Variants in PCDHGA4 observed in about 807,000 individuals in gnomAD.
PCDHGA4 encodes the protein protocadherin gamma-A4.
Under a neutral mutation model 54.6 loss-of-function variants are expected in PCDHGA4, and 38 were observed. The observed-to-expected ratio is 0.70, with a 90% confidence interval of 0.54 to 0.91. The LOEUF (loss-of-function observed/expected upper bound fraction) is 0.91. Ranked by LOEUF, PCDHGA4 falls within the 40% of genes least tolerant of loss-of-function variation. The pLI, the probability that PCDHGA4 is intolerant of heterozygous loss-of-function variation, is 0.00. For synonymous variants in PCDHGA4, 511 were observed against 512.9 expected, an observed-to-expected ratio of 1.00 and a Z score of 0.05; for missense variants, 1,298 against 1,220.9, an observed-to-expected ratio of 1.06 and a Z score of -0.94.
At chr5:141,419,723 C>A in intron 1 of PCDHGA4, 6 of 1,613,292 alleles carry the variant, frequency 3.7e-6, no homozygotes, top group Non-Finnish European at 5.1e-6. Flanking sequence ...CCTGGGGCTG[C>A]GAACAGGCGA....
intron 1 of PCDHGA4, chr5:141,428,129 C>T (rs1449809875): frequency 1.2e-6 from 2 of 1,603,336 alleles, no homozygotes; most frequent in Non-Finnish European, 1.7e-6. Context: ...CCGGGCTTTT[C>T]AGCCTGGGGC....
At chr5:141,412,057 T>C (rs1426056647) in intron 1 of PCDHGA4, 1 of 152,202 alleles carries the variant, frequency 6.6e-6, no homozygotes, top group Non-Finnish European at 1.5e-5. Flanking sequence ...TCTATACCCT[T>C]TGCATTTGAG....
At chr5:141,388,424 G>A (rs77505166) in intron 1 of PCDHGA4, 76,970 of 1,613,794 alleles carry the variant, frequency 0.048, 2,026 homozygotes, top group South Asian at 0.077. Context: ...ATTTCTCACT[G>A]ATAAATAAAG....
chr5:141,423,775 T>A, intron 1 of PCDHGA4: 1 of 1,209,960 alleles, frequency 8.3e-7, no homozygotes, highest in Non-Finnish European at 1.1e-6. Context: ...GCGGCATATA[T>A]TTAGTTCATA....
intron 1 of PCDHGA4, chr5:141,424,664 A>G (rs923488035): frequency 1.3e-5 from 2 of 152,124 alleles, no homozygotes; most frequent in African/African-American, 4.8e-5. Context: ...CTTTAATTAA[A>G]CTGATTTAGC....
chr5:141,388,043 C>T (rs952133270), intron 1 of PCDHGA4: 6 of 1,412,324 alleles, frequency 4.2e-6, no homozygotes, highest in Middle Eastern at 5.0e-4. Flanking sequence ...TCGCCACGGA[C>T]CTGGGGTTCA....
chr5:141,510,069 CCAGCAGAGTGCCTGG>C (rs994886462), intron 3 of PCDHGA4, among the ~76,000 whole-genome samples: 12 of 152,260 alleles, frequency 7.9e-5, no homozygotes, highest in Admixed American at 7.8e-4. Context: ...TGTGAAGCAT[CCAGCAGAGTGCCTGG>C]CACACAGTAG....
chr5:141,415,206 G>A, intron 1 of PCDHGA4: 4 of 1,614,054 alleles, frequency 2.5e-6, no homozygotes, highest in African/African-American at 1.3e-5. Flanking sequence ...AAGTCCTGGC[G>A]GACCTCGGCA....
chr5:141,510,272 TAAA>T (rs546154379), intron 3 of PCDHGA4, among the ~76,000 whole-genome samples: 2 of 130,370 alleles, frequency 1.5e-5, no homozygotes, highest in Non-Finnish European at 3.3e-5. Context: ...GACTCCATCT[TAAA>T]AAAAAAAAAA....
At chr5:141,370,652 G>A in intron 1 of PCDHGA4, 1 of 1,613,890 alleles carries the variant, frequency 6.2e-7, no homozygotes, top group Non-Finnish European at 8.5e-7. Context: ...ACTTACTTGT[G>A]AGCGACCGTA....
rs1421541308 is a variant in PCDHGA4 at position 141,409,559 on chromosome 5, G to C, written c.2514+51938G>C. On this transcript the variant is annotated intron_variant, in intron 1 of 3. Coordinates refer to ENST00000571252, the MANE Select transcript of PCDHGA4 (RefSeq NM_018917.4). The stretch of plus-strand genomic sequence containing the variant: ...CATCAACGACAACGCCCCAGTTTTC[G>C]ACCAGACGTCCTACGTGGTCCACGT... The C allele has an allele frequency of 1.9e-6, 3 of 1,613,936 alleles. No individual in the cohort carries two copies. The highest frequency in any genetic ancestry group is 1.7e-6 in the Non-Finnish European group (2 of 1,179,910).
intron 1 of PCDHGA4, among the ~76,000 whole-genome samples, chr5:141,447,677 A>G (rs748479750): frequency 6.6e-6 from 1 of 152,184 alleles, no homozygotes; most frequent in Non-Finnish European, 1.5e-5. Context: ...GAACTGTTCC[A>G]TATCTTGATA....
chr5:141,379,992 T>G (rs1776127891), intron 1 of PCDHGA4, among the ~76,000 whole-genome samples: 1 of 144,024 alleles, frequency 6.9e-6, no homozygotes, highest in South Asian at 2.4e-4. Flanking sequence ...TTCCTCCTCC[T>G]GGGTTCAAGC....
chr5:141,438,591 C>CATATATATATAT (rs946798767), intron 1 of PCDHGA4, among the ~76,000 whole-genome samples: 3 of 75,560 alleles, frequency 4.0e-5, no homozygotes, highest in Non-Finnish European at 5.4e-5. Flanking sequence ...TACATACATA[C>CATATATATATAT]ATATATATAT....
intron 1 of PCDHGA4, chr5:141,417,622 G>T (rs1036510827): frequency 1.5e-6 from 1 of 668,534 alleles, no homozygotes; most frequent in Non-Finnish European, 2.4e-6. Flanking sequence ...TGCAGAGCAA[G>T]CGCTGACGCC....
chr5:141,415,863 G>A, intron 1 of PCDHGA4: 4 of 1,107,154 alleles, frequency 3.6e-6, no homozygotes, highest in Non-Finnish European at 4.7e-6. Flanking sequence ...GTAGTTTATA[G>A]TGTTGTTGAG....
At chr5:141,361,195 A>G (rs369211493) in intron 1 of PCDHGA4, 1 of 1,613,692 alleles carries the variant, frequency 6.2e-7, no homozygotes, top group Non-Finnish European at 8.5e-7. Context: ...TTCAGTATCT[A>G]CTCCCCTACC....
At chr5:141,415,655 T>C (rs780357843) in intron 1 of PCDHGA4, 50 of 1,586,718 alleles carry the variant, frequency 3.2e-5, no homozygotes, top group Non-Finnish European at 4.0e-5. Flanking sequence ...AAAAAAAAGA[T>C]TGGTTTTTAC....
At chr5:141,497,983 C>T (rs2099780927) in intron 2 of PCDHGA4, among the ~76,000 whole-genome samples, 1 of 152,168 alleles carries the variant, frequency 6.6e-6, no homozygotes, top group African/African-American at 2.4e-5. Context: ...GTGGGAGGCC[C>T]CTGCCCTCAA....
Sources: allele counts gnomAD v4.1 joint callset (sites outside exome capture counted in the v4.1 genomes callset), GRCh38; gene constraint gnomAD v4.1.1; transcripts MANE v1.5; gene names NCBI Gene and HGNC (gene_info 2026-07-23, HGNC 2026-07-21).